Variants in CNTNAP2 observed in about 807,000 individuals in gnomAD.
CNTNAP2 encodes the protein contactin associated protein 2, also known as contactin-associated protein-like 2.
A neutral mutation model predicts 155.2 loss-of-function variants in CNTNAP2; 98 were observed. The observed-to-expected ratio is 0.63, with a 90% CI of 0.54 to 0.75. The LOEUF is 0.75. Among genes scored for constraint, CNTNAP2 ranks in the 30% least tolerant of loss-of-function variants. CNTNAP2 has a pLI of 0.00. For synonymous variants in CNTNAP2, 651 were observed against 631.2 expected, an observed-to-expected ratio of 1.03 and a Z score of -0.47; for missense variants, 1,727 against 1,688.1, an observed-to-expected ratio of 1.02 and a Z score of -0.40.
In CNTNAP2 at chr7:147,551,736, G is replaced by A. The variant is rs150820737; in HGVS notation, c.1778-10402G>A. Among the ~76,000 whole-genome samples the A allele has an allele frequency of 4.5e-4, 68 of 151,724 alleles. No individual in the cohort carries two copies. In the South Asian group the frequency reaches 4.8e-3, roughly 11 times the overall value. The stretch of plus-strand genomic sequence containing the variant: ...GATGCTAATATCTTGTTGCTGTTTC[G>A]GTTTGAAAAAAGACTCTCAACTTGT... On this transcript the variant is annotated intron_variant, in intron 11 of 23. Transcript: ENST00000361727.
intron 20 of CNTNAP2, among the ~76,000 whole-genome samples, chr7:148,263,535 G>A (rs1351218900): frequency 1.3e-5 from 2 of 151,968 alleles, no homozygotes; most frequent in Non-Finnish European, 2.9e-5. Context: ...TCAAGAGTTC[G>A]AGACCATCCT....
intron 17 of CNTNAP2, among the ~76,000 whole-genome samples, chr7:148,163,638 T>C (rs143017065): frequency 2.2e-4 from 33 of 152,336 alleles, no homozygotes; most frequent in Middle Eastern, 3.4e-3. Flanking sequence ...AAATCCATCC[T>C]ATTGATGGAG....
chr7:147,541,491 GAGAT>G, intron 11 of CNTNAP2, among the ~76,000 whole-genome samples: 1 of 152,296 alleles, frequency 6.6e-6, no homozygotes, highest in Middle Eastern at 3.4e-3. Flanking sequence ...TACAGTGAGG[GAGAT>G]AGATCACATG....
At chr7:148,154,343 G>A (rs1031009727) in intron 17 of CNTNAP2, among the ~76,000 whole-genome samples, 1 of 152,148 alleles carries the variant, frequency 6.6e-6, no homozygotes, top group African/African-American at 2.4e-5. Context: ...GAAGAGTTGA[G>A]GTTTATTAAA....
intron 13 of CNTNAP2, among the ~76,000 whole-genome samples, chr7:147,893,324 A>G (rs1194724958): frequency 6.6e-6 from 1 of 152,166 alleles, no homozygotes; most frequent in East Asian, 1.9e-4. Context: ...TATTAAAAGG[A>G]CTGTATTATT....
At chr7:146,935,722 C>A (rs1796901179) in intron 3 of CNTNAP2, among the ~76,000 whole-genome samples, 1 of 152,190 alleles carries the variant, frequency 6.6e-6, no homozygotes, top group African/African-American at 2.4e-5. Flanking sequence ...ATCTGTGCAG[C>A]TGCTGGCACT....
intron 12 of CNTNAP2, among the ~76,000 whole-genome samples, chr7:147,570,040 C>T (rs1031191106): frequency 1.3e-5 from 2 of 152,234 alleles, no homozygotes; most frequent in African/African-American, 2.4e-5. Flanking sequence ...CCTTGTGGCT[C>T]TGCCTGTCCA....
intron 19 of CNTNAP2, among the ~76,000 whole-genome samples, chr7:148,224,395 G>A (rs1179190237): frequency 6.6e-6 from 1 of 152,152 alleles, no homozygotes; most frequent in African/African-American, 2.4e-5. Context: ...ATATTCAAAG[G>A]CCCTGAGGTA....
intron 20 of CNTNAP2, among the ~76,000 whole-genome samples, chr7:148,243,483 G>T (rs563306531): frequency 6.6e-6 from 1 of 152,168 alleles, no homozygotes; most frequent in African/African-American, 2.4e-5. Flanking sequence ...GAAAAGTCAC[G>T]GTTCCACATG....
intron 1 of CNTNAP2, among the ~76,000 whole-genome samples, chr7:146,343,275 G>T (rs1794762582): frequency 6.6e-6 from 1 of 152,054 alleles, no homozygotes; most frequent in Non-Finnish European, 1.5e-5. Flanking sequence ...CACGCTTAGA[G>T]AACATTCCCA....
chr7:146,251,079 T>C (rs762760096), intron 1 of CNTNAP2, among the ~76,000 whole-genome samples: 6 of 152,178 alleles, frequency 3.9e-5, no homozygotes, highest in Non-Finnish European at 7.4e-5. Context: ...AAGAGGGTGA[T>C]AGAAATCAGA....
intron 3 of CNTNAP2, among the ~76,000 whole-genome samples, chr7:146,886,659 T>C (rs1470706025): frequency 1.3e-5 from 2 of 151,860 alleles, no homozygotes; most frequent in Non-Finnish European, 2.9e-5. Context: ...ACATTAGTAT[T>C]CTGTATGCTT....
At chr7:146,294,250 T>G (rs935214222) in intron 1 of CNTNAP2, among the ~76,000 whole-genome samples, 4 of 152,170 alleles carry the variant, frequency 2.6e-5, no homozygotes, top group African/African-American at 9.7e-5. Flanking sequence ...CCTTAAAAAT[T>G]GAAAGCTTCA....
intron 1 of CNTNAP2, among the ~76,000 whole-genome samples, chr7:146,694,360 AC>A (rs1366731861): frequency 8.5e-5 from 13 of 152,236 alleles, no homozygotes; most frequent in Non-Finnish European, 4.4e-5. Context: ...TGTTGAAAAG[AC>A]TACTTTTTCC....
intron 3 of CNTNAP2, among the ~76,000 whole-genome samples, chr7:146,844,248 G>A (rs568283478): frequency 1.7e-3 from 263 of 152,048 alleles, no homozygotes; most frequent in African/African-American, 6.0e-3. Context: ...CCTAAAGAAT[G>A]GTTTATCTGA....
At chr7:147,249,372 CAA>C (rs985795144) in intron 8 of CNTNAP2, among the ~76,000 whole-genome samples, 1 of 152,004 alleles carries the variant, frequency 6.6e-6, no homozygotes, top group African/African-American at 2.4e-5. Context: ...CACAAGTTAT[CAA>C]AGTTACTACC....
At chr7:147,548,748 T>A (rs1216328893) in intron 11 of CNTNAP2, among the ~76,000 whole-genome samples, 1 of 152,210 alleles carries the variant, frequency 6.6e-6, no homozygotes, top group East Asian at 1.9e-4. Context: ...GGGTTTTAAA[T>A]TTAAGTCTTT....
chr7:146,480,573 T>A (rs939199866), intron 1 of CNTNAP2, among the ~76,000 whole-genome samples: 1 of 151,758 alleles, frequency 6.6e-6, no homozygotes, highest in Admixed American at 6.6e-5. Context: ...GGTTGCAGAA[T>A]GCAAGCTCCC....
At chr7:148,115,133 T>G (rs556962140) in intron 15 of CNTNAP2, among the ~76,000 whole-genome samples, 3 of 152,222 alleles carry the variant, frequency 2.0e-5, no homozygotes, top group African/African-American at 7.2e-5. Flanking sequence ...CAAATTAGAT[T>G]GAAGTTGCTT....
Sources: gnomAD v4.1 joint callset for allele counts (sites outside exome capture counted in the v4.1 genomes callset) on GRCh38, gnomAD v4.1.1 for gene constraint, MANE v1.5 for transcripts, NCBI Gene and HGNC (gene_info 2026-07-23, HGNC 2026-07-21) for gene names.